The following SPAG17 variants were observed in gnomAD, a reference collection of about 807,000 sequenced individuals.
SPAG17 encodes the protein sperm-associated antigen 17.
A neutral mutation model predicts 273.6 loss-of-function variants in SPAG17; 169 were observed. The ratio of observed to expected loss-of-function variants is 0.62; its 90% CI spans 0.55 to 0.70. The LOEUF is 0.70. Ranked by LOEUF, SPAG17 falls within the 30% of genes least tolerant of loss-of-function variation. SPAG17 has a pLI of 0.00. For synonymous variants in SPAG17, 825 were observed against 873.2 expected, an observed-to-expected ratio of 0.94 and a Z score of 0.97; for missense variants, 2,557 against 2,627.8, an observed-to-expected ratio of 0.97 and a Z score of 0.59.
chr1:118,093,168 C>T lies in SPAG17; in HGVS notation c.1161G>A (p.Met387Ile). ...VVNEKPVLEAMPTSEAPQPAV... is the reference protein window; with the variant it reads ...VVNEKPVLEAIPTSEAPQPAV... ...AGCCCATGCCTACCTCTGAAGTTGG[C>T]ATGGCTTCTAATACAGGTTTCTCAT... The change falls in exon 8 of 49, where the codon ATG (methionine) becomes ATA (isoleucine). Residue 387 changes from methionine (M) to isoleucine (I), a missense_variant. By Grantham distance (10) the Met-to-Ile change is conservative. Transcript: ENST00000336338. 4 of 1,612,686 alleles carry T rather than the reference C, an allele frequency of 2.5e-6. No individual in the cohort carries two copies. Among genetic ancestry groups the T allele is most frequent in the Non-Finnish European group, 3.4e-6 (4 of 1,179,366 alleles).
rs778553750 is a variant in SPAG17 at position 118,055,803 on chromosome 1, C to T, written c.2652G>A (p.Leu884=). The part of the protein sequence containing the change: ...NEKIIRTRAE[L]ELKSSANAKL... The stretch of plus-strand genomic sequence containing the variant: ...TGGCATTAGCAGAAGATTTCAATTC[C>T]AGCTCAGCTCTGGTCCTGATGATTT... Residue 884 remains leucine, a synonymous_variant, in exon 19 of 49, where the codon CTG becomes CTA. Coordinates refer to ENST00000336338, the MANE Select transcript of SPAG17 (RefSeq NM_206996.4). 18 of 1,612,750 alleles carry T rather than the reference C, an allele frequency of 1.1e-5. No individual in the cohort carries two copies. Among genetic ancestry groups the T allele is most frequent in the Non-Finnish European group, 1.4e-5 (17 of 1,179,602 alleles).
At chr1:118,091,781 T>C in intron 9 of SPAG17, 63 bp from the exon 10 acceptor site, 2 of 1,375,066 alleles carry the variant, frequency 1.5e-6, no homozygotes, top group South Asian at 2.3e-5. Context: ...TCCATCAAAA[T>C]TTCATGCATA....
intron 17 of SPAG17, 89 bp downstream of exon 17, chr1:118,073,765 A>T: frequency 1.2e-6 from 1 of 815,030 alleles, no homozygotes; most frequent in Non-Finnish European, 2.0e-6. Flanking sequence ...TAGATCTGAG[A>T]GAATGACCTG....
chr1:117,954,647 G>T (rs1234182863), intron 48 of SPAG17: 1 of 1,606,788 alleles, frequency 6.2e-7, no homozygotes, highest in Admixed American at 1.7e-5. Flanking sequence ...ATGTCTAACG[G>T]TTTTCCTTTG....
At chr1:117,960,526 T>G (rs1652930506) in intron 48 of SPAG17, 1 of 152,224 alleles carries the variant, frequency 6.6e-6, no homozygotes, top group Non-Finnish European at 1.5e-5. Context: ...AAGCATCAGC[T>G]TTTTCTTGTA....
At position 118,050,114 on chromosome 1, in the gene SPAG17, T is replaced by C. The variant is rs540478825; in HGVS notation, c.2814+3888A>G. On this transcript the variant is annotated intron_variant, in intron 20 of 48. Coordinates refer to ENST00000336338, the MANE Select transcript of SPAG17 (RefSeq NM_206996.4). ...AGCATGTGTACAACTCTAGAAACCA[T>C]ACTGTGCATGCTCCCCTCCCAAGTG... 1.2e-3 allele frequency among the ~76,000 whole-genome samples: 176 copies of C among 152,236 alleles called. 2 individuals are homozygous for C. Among genetic ancestry groups the C allele is most frequent in the African/African-American group, 4.0e-3 (167 of 41,532 alleles).
chr1:118,110,789 G>C (rs1656711168), intron 4 of SPAG17, among the ~76,000 whole-genome samples: 1 of 152,100 alleles, frequency 6.6e-6, no homozygotes, highest in South Asian at 2.1e-4. Flanking sequence ...AATGTCTCTG[G>C]GCAAGCACTC....
At chr1:118,176,784 C>A (rs570731869) in intron 1 of SPAG17, among the ~76,000 whole-genome samples, 316 of 152,254 alleles carry the variant, frequency 2.1e-3, no homozygotes, top group African/African-American at 7.3e-3. Context: ...CTTTCCAGTA[C>A]AGACCAAATC....
rs746872965 is a variant in SPAG17, at chr1:118,054,091, T to C, written c.2725A>G (p.Asn909Asp). The C allele has an allele frequency of 6.3e-7, 1 of 1,590,774 alleles. No individual in the cohort carries two copies. The highest frequency in any genetic ancestry group is 1.1e-5 in the South Asian group (1 of 89,990). Reference protein sequence around the residue: ...KIFSIKESKSNKGISKTEISD... With the variant: ...KIFSIKESKSDKGISKTEISD... ...ATCTCTGTTTTGCTGATTCCTTTGT[T>C]ACCTATAATCAGATAAAATTAAACT... Residue 909 changes from asparagine to aspartate, a missense_variant and splice_region_variant, in exon 20 of 49, where the codon AAC (asparagine) becomes GAC (aspartate). Transcript: ENST00000336338.
intron 27 of SPAG17, among the ~76,000 whole-genome samples, chr1:118,024,521 T>G (rs1439213431): frequency 6.6e-6 from 1 of 152,156 alleles, no homozygotes; most frequent in Non-Finnish European, 1.5e-5. Flanking sequence ...TGGGATTGCT[T>G]TCTTTCCAAG....
intron 27 of SPAG17, among the ~76,000 whole-genome samples, chr1:118,024,976 A>C (rs922285848): frequency 2.0e-5 from 3 of 152,174 alleles, no homozygotes; most frequent in African/African-American, 4.8e-5. Flanking sequence ...AATTAGTTTA[A>C]GATAGCTTGA....
At chr1:118,111,575 C>CACACACAA (rs1656759629) in intron 4 of SPAG17, among the ~76,000 whole-genome samples, 2 of 151,552 alleles carry the variant, frequency 1.3e-5, no homozygotes, top group South Asian at 2.1e-4. Flanking sequence ...CACACACACA[C>CACACACAA]ACACACACAC....
chr1:118,031,552 T>G, intron 25 of SPAG17, 140 bp downstream of exon 25: 11 of 884,792 alleles, frequency 1.2e-5, no homozygotes, highest in East Asian at 2.5e-5. Context: ...TATTCAAAGT[T>G]GAGACTACAA....
chr1:118,165,836 G>A (rs1176653778), intron 1 of SPAG17, among the ~76,000 whole-genome samples: 3 of 151,844 alleles, frequency 2.0e-5, no homozygotes, highest in East Asian at 3.9e-4. Flanking sequence ...GTAGAGACGG[G>A]GTTTCACTGT....
chr1:118,070,178 G>T (rs148448899), intron 17 of SPAG17, among the ~76,000 whole-genome samples: 1 of 151,994 alleles, frequency 6.6e-6, no homozygotes, highest in Non-Finnish European at 1.5e-5. Context: ...TAAAGGCACC[G>T]GAATTTTAGA....
intron 3 of SPAG17, among the ~76,000 whole-genome samples, chr1:118,115,868 T>A (rs915005997): frequency 1.3e-5 from 2 of 152,238 alleles, no homozygotes; most frequent in African/African-American, 4.8e-5. Context: ...CAGGGTTTTA[T>A]AATAGTGGAA....
intron 43 of SPAG17, among the ~76,000 whole-genome samples, chr1:117,975,316 A>G (rs1455571250): frequency 6.6e-6 from 1 of 152,224 alleles, no homozygotes; most frequent in Non-Finnish European, 1.5e-5. Flanking sequence ...ACAGTCACAC[A>G]GCCACTATTC....
chr1:117,959,107 T>A, intron 48 of SPAG17: 1 of 1,303,574 alleles, frequency 7.7e-7, no homozygotes, highest in Non-Finnish European at 1.1e-6. Flanking sequence ...CCACCACCGA[T>A]AAATCCATAT....
At chr1:118,184,569 A>T (rs990386691) in intron 1 of SPAG17, among the ~76,000 whole-genome samples, 1 of 152,178 alleles carries the variant, frequency 6.6e-6, no homozygotes, top group Non-Finnish European at 1.5e-5. Context: ...GCATTACATT[A>T]AAAAATCATC....
Sources: gnomAD v4.1 joint callset for allele counts (sites outside exome capture counted in the v4.1 genomes callset) on GRCh38, gnomAD v4.1.1 for gene constraint, MANE v1.5 for transcripts, NCBI Gene and HGNC (gene_info 2026-07-23, HGNC 2026-07-21) for gene names.